Variants in ACCSL observed in about 807,000 individuals in gnomAD.
ACCSL encodes 1-aminocyclopropane-1-carboxylate synthase homolog (inactive) like.
In ACCSL, 55 loss-of-function variants were observed where a neutral mutation model predicts 61.7. The ratio of observed to expected loss-of-function variants is 0.89; its 90% CI spans 0.72 to 1.12. The LOEUF (loss-of-function observed/expected upper bound fraction) is 1.12, where lower values mean the gene tolerates loss of function less well. Among genes scored for constraint, ACCSL ranks in the 50% most tolerant of loss-of-function variants. ACCSL has a pLI of 0.00. For missense variants in ACCSL, 632 were observed against 698.0 expected, an observed-to-expected ratio of 0.91 and a Z score of 1.07; for synonymous variants, 258 against 264.3, an observed-to-expected ratio of 0.98 and a Z score of 0.23.
chr11:44,031,629 C>T, the ACCSL span, among the ~76,000 whole-genome samples: 2 of 152,058 alleles, frequency 1.3e-5, no homozygotes, highest in Admixed American at 1.3e-4. Context: ...GGAGAGAAGA[C>T]AGAAGGATGG....
chr11:43,990,499 C>A, the ACCSL span, among the ~76,000 whole-genome samples: 1 of 152,076 alleles, frequency 6.6e-6, no homozygotes, highest in Non-Finnish European at 1.5e-5. Context: ...TGAAGTGGAA[C>A]CCTCATGCCT....
At chr11:44,038,570 G>A in the ACCSL span, among the ~76,000 whole-genome samples, 2 of 152,116 alleles carry the variant, frequency 1.3e-5, no homozygotes, top group Non-Finnish European at 2.9e-5. Flanking sequence ...TGTGCTGGGA[G>A]AGTTAAGGAG....
the ACCSL span, chr11:43,942,629 C>T: frequency 6.7e-6 from 2 of 297,764 alleles, no homozygotes; most frequent in South Asian, 2.5e-5. Flanking sequence ...GCCTGGCCGC[C>T]GCGGGGCAGA....
At chr11:44,020,053 A>G in the ACCSL span, among the ~76,000 whole-genome samples, 2 of 152,206 alleles carry the variant, frequency 1.3e-5, no homozygotes, top group African/African-American at 2.4e-5. Flanking sequence ...TTGAAAATCA[A>G]TTGACCATAA....
At chr11:44,035,720 T>C in the ACCSL span, among the ~76,000 whole-genome samples, 1 of 151,948 alleles carries the variant, frequency 6.6e-6, no homozygotes, top group Non-Finnish European at 1.5e-5. Flanking sequence ...GGCGGATCAC[T>C]TGAGGCCAGG....
the ACCSL span, among the ~76,000 whole-genome samples, chr11:44,022,662 C>T: frequency 2.0e-5 from 3 of 152,132 alleles, no homozygotes; most frequent in Admixed American, 6.6e-5. Flanking sequence ...GATGTTAACA[C>T]AATCTTGCGC....
chr11:43,947,479 C>T, the ACCSL span, among the ~76,000 whole-genome samples: 3 of 151,496 alleles, frequency 2.0e-5, no homozygotes, highest in Non-Finnish European at 4.4e-5. Flanking sequence ...AGGCTGGGGC[C>T]GGCTGGGCTG....
the ACCSL span, among the ~76,000 whole-genome samples, chr11:43,987,173 C>T: frequency 6.6e-6 from 1 of 152,218 alleles, no homozygotes; most frequent in Admixed American, 6.5e-5. Context: ...ATTTCCATCC[C>T]TTTGTCCATC....
the ACCSL span, among the ~76,000 whole-genome samples, chr11:43,934,947 C>T: frequency 3.6e-4 from 55 of 152,262 alleles, no homozygotes; most frequent in African/African-American, 1.0e-3. Context: ...TGGGTAGGGA[C>T]GATGGGGGAG....
At chr11:44,050,484 A>G in intron 2 of ACCSL, 68 bp from the exon 3 acceptor site, 1 of 1,403,690 alleles carries the variant, frequency 7.1e-7, no homozygotes, top group Admixed American at 1.7e-5. Flanking sequence ...TCATGTACAA[A>G]CTAGGAGTAG....
At chr11:44,020,810 C>T in the ACCSL span, among the ~76,000 whole-genome samples, 1 of 152,006 alleles carries the variant, frequency 6.6e-6, no homozygotes, top group African/African-American at 2.4e-5. Context: ...CCCCAAAGTC[C>T]ATTGTATCAT....
rs367975772 is a variant in ACCSL at position 44,058,354 on chromosome 11, C to T, written c.1365C>T (p.Tyr455=). Residue 455 remains tyrosine, a synonymous_variant, in exon 12 of 14, where the codon TAC becomes TAT. Transcript: ENST00000378832. ...IDKVYLPTNC[Y]RLREAHKYIT... ...AAGTATACCTACCCACCAATTGCTA[C>T]CGGCTCCGGGAAGCTCACAAGTACA... 9 of 1,614,066 alleles carry T rather than the reference C, an allele frequency of 5.6e-6. No individual in the cohort carries two copies. The highest frequency in any genetic ancestry group is 2.7e-5 in the African/African-American group (2 of 74,906).
chr11:43,940,887 C>T, the ACCSL span, among the ~76,000 whole-genome samples: 1 of 152,172 alleles, frequency 6.6e-6, no homozygotes, highest in Non-Finnish European at 1.5e-5. Context: ...CAGGGCAAAC[C>T]GCTGCAGTGT....
the ACCSL span, among the ~76,000 whole-genome samples, chr11:43,933,916 G>A: frequency 6.6e-6 from 1 of 152,186 alleles, no homozygotes; most frequent in Admixed American, 6.5e-5. Context: ...CATGGCAGCC[G>A]CTGCAGCTGG....
chr11:43,939,895 C>T, the ACCSL span, among the ~76,000 whole-genome samples: 1 of 152,206 alleles, frequency 6.6e-6, no homozygotes, highest in African/African-American at 2.4e-5. Flanking sequence ...GCATGAGCCA[C>T]CGTGCCTGGA....
At chr11:44,025,393 G>T in the ACCSL span, among the ~76,000 whole-genome samples, 6 of 151,908 alleles carry the variant, frequency 3.9e-5, no homozygotes, top group Non-Finnish European at 8.8e-5. Flanking sequence ...AATCTAGTTT[G>T]TACTAGTATC....
chr11:44,055,160 G>A (rs777637820), intron 8 of ACCSL, 42 bp from the exon 9 acceptor site: 3 of 1,358,762 alleles, frequency 2.2e-6, no homozygotes, highest in Non-Finnish European at 3.1e-6. Context: ...AAAGATTAGA[G>A]AGAAGCTAGA....
the ACCSL span, among the ~76,000 whole-genome samples, chr11:43,973,258 A>AT: frequency 6.6e-6 from 1 of 152,242 alleles, no homozygotes. Context: ...ATCCAACACT[A>AT]TTTTAGGCAA....
At chr11:43,949,331 G>A in the ACCSL span, among the ~76,000 whole-genome samples, 1 of 152,108 alleles carries the variant, frequency 6.6e-6, no homozygotes, top group Non-Finnish European at 1.5e-5. Context: ...GTGTTACAAC[G>A]GTCTGCTGGG....
Sources: gnomAD v4.1 joint callset for allele counts (sites outside exome capture counted in the v4.1 genomes callset) on GRCh38, gnomAD v4.1.1 for gene constraint, MANE v1.5 for transcripts, NCBI Gene and HGNC (gene_info 2026-07-23, HGNC 2026-07-21) for gene names.